The following KHDRBS2 variants were observed in gnomAD, a reference collection of about 807,000 sequenced individuals.
The protein encoded by KHDRBS2 is KH domain-containing, RNA-binding, signal transduction-associated protein 2.
In KHDRBS2, 26 loss-of-function variants were observed where a neutral mutation model predicts 44.3. The ratio of observed to expected loss-of-function variants is 0.59; its 90% CI spans 0.43 to 0.81. KHDRBS2 has a LOEUF of 0.81. KHDRBS2 is among the 40% of genes least tolerant of loss of function. The probability of loss-of-function intolerance (pLI) is 0.00; values close to 1 mark genes in which losing one functional copy is unlikely to be tolerated. For synonymous variants in KHDRBS2, 194 were observed against 151.1 expected, an observed-to-expected ratio of 1.28 and a Z score of -2.08; for missense variants, 476 against 433.1, an observed-to-expected ratio of 1.10 and a Z score of -0.88.
chr6:62,170,657 C>A (rs1474779663), intron 2 of KHDRBS2, among the ~76,000 whole-genome samples: 2 of 152,114 alleles, frequency 1.3e-5, no homozygotes, highest in East Asian at 1.9e-4. Flanking sequence ...TGAGAACAAC[C>A]ATGGATCCCA....
intron 6 of KHDRBS2, among the ~76,000 whole-genome samples, chr6:61,809,466 A>G (rs1253354569): frequency 6.6e-6 from 1 of 152,140 alleles, no homozygotes; most frequent in African/African-American, 2.4e-5. Context: ...AGCTATTGTA[A>G]TATCTGAGCT....
At chr6:62,217,170 T>C (rs981996630) in intron 1 of KHDRBS2, among the ~76,000 whole-genome samples, 1 of 151,772 alleles carries the variant, frequency 6.6e-6, no homozygotes, top group South Asian at 2.1e-4. Context: ...GAAGGAGCAA[T>C]GTCTCTTCGC....
At chr6:62,104,222 A>T (rs1203120499) in intron 2 of KHDRBS2, among the ~76,000 whole-genome samples, 1 of 152,244 alleles carries the variant, frequency 6.6e-6, no homozygotes, top group African/African-American at 2.4e-5. Flanking sequence ...CAAAAACAGC[A>T]TATACACATT....
chr6:61,687,931 A>G (rs1486805102), intron 8 of KHDRBS2, among the ~76,000 whole-genome samples: 2 of 151,730 alleles, frequency 1.3e-5, no homozygotes, highest in African/African-American at 4.8e-5. Flanking sequence ...GAATCCCCAT[A>G]ATTCAAACTT....
At chr6:61,561,022 T>C in the KHDRBS2 span, among the ~76,000 whole-genome samples, 1 of 152,138 alleles carries the variant, frequency 6.6e-6, no homozygotes, top group South Asian at 2.1e-4. Context: ...GGCACTGCAT[T>C]CTTATCTGTA....
the KHDRBS2 span, among the ~76,000 whole-genome samples, chr6:61,581,771 A>AAAT: frequency 2.0e-5 from 3 of 151,460 alleles, no homozygotes; most frequent in African/African-American, 7.2e-5. Context: ...TATAGTATTA[A>AAAT]AATGGAGAAT....
intron 6 of KHDRBS2, among the ~76,000 whole-genome samples, chr6:61,827,976 A>G (rs1201842874): frequency 6.6e-6 from 1 of 152,174 alleles, no homozygotes; most frequent in Non-Finnish European, 1.5e-5. Flanking sequence ...TATAAAGTGG[A>G]GATTCTGCAC....
At chr6:62,265,409 T>G (rs1839026242) in intron 1 of KHDRBS2, among the ~76,000 whole-genome samples, 1 of 151,744 alleles carries the variant, frequency 6.6e-6, no homozygotes, top group Non-Finnish European at 1.5e-5. Context: ...GTGAGAGGAG[T>G]GTGTGTATGT....
chr6:61,560,212 T>A, the KHDRBS2 span, among the ~76,000 whole-genome samples: 1 of 152,162 alleles, frequency 6.6e-6, no homozygotes, highest in East Asian at 1.9e-4. Flanking sequence ...GTTTTTTTAC[T>A]CTTGTTAAAA....
chr6:61,760,934 C>G (rs1779182597), intron 6 of KHDRBS2, among the ~76,000 whole-genome samples: 1 of 152,160 alleles, frequency 6.6e-6, no homozygotes, highest in South Asian at 2.1e-4. Flanking sequence ...GAAAAGATTA[C>G]TGCTTTTTGT....
chr6:62,079,261 C>T (rs1010732201), intron 2 of KHDRBS2, among the ~76,000 whole-genome samples: 1 of 151,532 alleles, frequency 6.6e-6, no homozygotes, highest in Admixed American at 6.6e-5. Flanking sequence ...TAATCTAATA[C>T]ACAATTATTT....
intron 6 of KHDRBS2, among the ~76,000 whole-genome samples, chr6:61,752,450 C>T (rs1273023825): frequency 6.6e-6 from 1 of 152,062 alleles, no homozygotes; most frequent in Non-Finnish European, 1.5e-5. Context: ...GTTGCTAAAT[C>T]TGCTTTTCTC....
chr6:62,283,291 C>T (rs1029859975), intron 1 of KHDRBS2, among the ~76,000 whole-genome samples: 2 of 152,058 alleles, frequency 1.3e-5, no homozygotes, highest in African/African-American at 4.8e-5. Context: ...AATGGACCCC[C>T]CAAAAACCCC....
At chr6:62,284,988 T>TA (rs201481362) in intron 1 of KHDRBS2, among the ~76,000 whole-genome samples, 1,707 of 152,098 alleles carry the variant, frequency 0.011, 34 homozygotes, top group African/African-American at 0.038. Context: ...AGCATTCATC[T>TA]AAAAAAAATC....
intron 4 of KHDRBS2, among the ~76,000 whole-genome samples, chr6:61,972,245 CAAT>C (rs1428501998): frequency 3.2e-4 from 48 of 151,992 alleles, no homozygotes; most frequent in Admixed American, 3.1e-3. Context: ...TCCTGGATTT[CAAT>C]AATAATAATC....
At chr6:61,974,265 T>A (rs1318380903) in intron 4 of KHDRBS2, among the ~76,000 whole-genome samples, 1 of 152,052 alleles carries the variant, frequency 6.6e-6, no homozygotes, top group African/African-American at 2.4e-5. Context: ...CAAACTATGG[T>A]GTAAATGTTA....
At chr6:61,876,947 G>A (rs952847234) in intron 6 of KHDRBS2, among the ~76,000 whole-genome samples, 1 of 151,948 alleles carries the variant, frequency 6.6e-6, no homozygotes, top group Non-Finnish European at 1.5e-5. Context: ...TACAATAGGT[G>A]GTATACATTA....
At chr6:61,606,477 G>A in the KHDRBS2 span, among the ~76,000 whole-genome samples, 2 of 152,120 alleles carry the variant, frequency 1.3e-5, no homozygotes, top group African/African-American at 2.4e-5. Flanking sequence ...AGGAGAAAAG[G>A]CATAAAAAAT....
At chr6:62,093,404 C>T (rs1799849831) in intron 2 of KHDRBS2, among the ~76,000 whole-genome samples, 1 of 151,716 alleles carries the variant, frequency 6.6e-6, no homozygotes, top group South Asian at 2.1e-4. Flanking sequence ...TGTGATATAT[C>T]CATACATGTA....
Sources: allele counts gnomAD v4.1 joint callset (sites outside exome capture counted in the v4.1 genomes callset), GRCh38; gene constraint gnomAD v4.1.1; transcripts MANE v1.5; gene names NCBI Gene and HGNC (gene_info 2026-07-23, HGNC 2026-07-21).